Variants in PSPC1 observed in about 807,000 individuals in gnomAD.
PSPC1 encodes paraspeckle protein 1.
PSPC1 carries 14 observed loss-of-function variants against 51.6 expected under a neutral mutation model. The ratio of observed to expected loss-of-function variants is 0.27; its 90% CI spans 0.18 to 0.42. PSPC1 has a LOEUF of 0.42. Ranked by LOEUF, PSPC1 falls within the 10% of genes least tolerant of loss-of-function variation. PSPC1 has a pLI of 1.00. For synonymous variants in PSPC1, 193 were observed against 231.9 expected (o/e 0.83, Z 1.53); for missense variants, 406 against 701.1 (o/e 0.58, Z 4.75).
chr13:19,715,933 G>A lies in PSPC1; in HGVS notation c.1159-6334C>T, dbSNP rs2137817693. Among the ~76,000 whole-genome samples the A allele has an allele frequency of 2.0e-5, 3 of 152,150 alleles. No individual in the cohort carries two copies. In the South Asian group the frequency reaches 6.2e-4, roughly 32 times the overall value. ...GGAGGCTGAGGCAGGAGAATGGCAT[G>A]AACCCGGGAGGCGGAGCTTGCAGTG... On this transcript the variant is annotated intron_variant, in intron 6 of 8. Coordinates refer to ENST00000338910, the MANE Select transcript of PSPC1 (RefSeq NM_001354909.2).
At position 19,702,645 on chromosome 13, in the gene PSPC1, T is replaced by C. The variant is rs1416370777; in HGVS notation, c.*530A>G. On this transcript the variant is annotated 3_prime_UTR_variant, in exon 9 of 9. Transcript: ENST00000338910. ...GATTTCACAGAACATCAGTGGTTTA[T>C]ACAAATTAAACTCCCATACCCTCCC... 3 of 152,506 alleles carry C rather than the reference T, an allele frequency of 2.0e-5. No individual in the cohort carries two copies. The highest frequency in any genetic ancestry group is 4.8e-5 in the African/African-American group (2 of 41,436). The allele number at this position is 152,506 out of a possible 1,614,324, so 9.4% of individuals were successfully genotyped here. A position where few individuals can be genotyped will look rare whatever the true frequency, so the allele number is the denominator to read the frequency against.
rs562739470 is a variant in PSPC1, at chr13:19,763,504, G to A, written c.675-4086C>T. 1.4e-4 allele frequency among the ~76,000 whole-genome samples: 22 copies of A among 152,226 alleles called. 1 individual carries two copies. The South Asian group carries it at 4.1e-3, about 29-fold the overall frequency. On this transcript the variant is annotated intron_variant, in intron 2 of 8. Coordinates refer to ENST00000338910, the MANE Select transcript of PSPC1 (RefSeq NM_001354909.2). ...AAACTTGAAGGACTGAGAGAGAGAG[G>A]CTTCGGGACTGAGGCCCTGGGGTTT... is the stretch of plus-strand genomic sequence containing the variant.
chr13:19,740,977 C>T (rs547216530), intron 5 of PSPC1, among the ~76,000 whole-genome samples: 1 of 151,818 alleles, frequency 6.6e-6, no homozygotes, highest in Non-Finnish European at 1.5e-5. Context: ...TGGATTCAAG[C>T]GATTCTCCTG....
At chr13:19,679,886 A>T (rs1043563616) in intron 6 of PSPC1, among the ~76,000 whole-genome samples, 1 of 152,188 alleles carries the variant, frequency 6.6e-6, no homozygotes, top group Non-Finnish European at 1.5e-5. Context: ...ATTACTAAAA[A>T]CTTTAAGCAT....
chr13:19,703,119 T>G lies in PSPC1; in HGVS notation c.*56A>C, dbSNP rs193076433. On this transcript the variant is annotated 3_prime_UTR_variant, in exon 9 of 9. Coordinates refer to ENST00000338910, the MANE Select transcript of PSPC1 (RefSeq NM_001354909.2). Reference sequence around the variant, plus strand: ...ATTTCTTCCAGATAACAGGTAAAAGTATAAAGGCATACCACTGACTTTTTT... The same window carrying G: ...ATTTCTTCCAGATAACAGGTAAAAGGATAAAGGCATACCACTGACTTTTTT... 6.6e-7 allele frequency: 1 copy of G among 1,524,654 alleles called. No individual in the cohort carries two copies. The highest frequency in any genetic ancestry group is 2.3e-5 in the East Asian group (1 of 44,310). The allele number at this position is 1,524,654 out of a possible 1,614,324, so 94.4% of individuals were successfully genotyped here. A position where few individuals can be genotyped will look rare whatever the true frequency, so the allele number is the denominator to read the frequency against.
At chr13:19,671,941 T>C (rs1445140890), downstream of PSPC1, 2 of 1,519,622 alleles carry the variant, frequency 1.3e-6, no homozygotes, top group Non-Finnish European at 1.8e-6. Flanking sequence ...GACAGCAGTT[T>C]GGAATTCTTC....
At chr13:19,740,722 C>G (rs1335230005) in intron 5 of PSPC1, among the ~76,000 whole-genome samples, 1 of 152,122 alleles carries the variant, frequency 6.6e-6, no homozygotes, top group African/African-American at 2.4e-5. Context: ...ACAAGGTGAG[C>G]TATCAATGTG....
At chr13:19,780,333 G>T (rs9579681) in intron 1 of PSPC1, among the ~76,000 whole-genome samples, 2 of 118,786 alleles carry the variant, frequency 1.7e-5, no homozygotes, top group Admixed American at 8.5e-5. Flanking sequence ...CATTGAGAAC[G>T]GGCCAGGATG....
intron 1 of PSPC1, 121 bp from the exon 2 acceptor site, chr13:19,772,664 TTG>T: frequency 2.3e-6 from 2 of 885,358 alleles, no homozygotes; most frequent in Non-Finnish European, 3.4e-6. Context: ...CAATTTGATT[TTG>T]TATCTTTTAA....
chr13:19,726,741 T>A (rs1342801705), intron 6 of PSPC1, among the ~76,000 whole-genome samples: 1 of 152,126 alleles, frequency 6.6e-6, no homozygotes, highest in African/African-American at 2.4e-5. Flanking sequence ...AAAAAAAATG[T>A]TTTACATTGT....
downstream of PSPC1, chr13:19,671,314 G>C: frequency 1.3e-6 from 2 of 1,577,914 alleles, no homozygotes; most frequent in Non-Finnish European, 1.7e-6. Context: ...TTCACATTTA[G>C]TGTCACTACT....
At chr13:19,777,632 CATGTTGA>C (rs1365308765) in intron 1 of PSPC1, among the ~76,000 whole-genome samples, 1 of 151,980 alleles carries the variant, frequency 6.6e-6, no homozygotes, top group Non-Finnish European at 1.5e-5. Context: ...AAGCCACTTA[CATGTTGA>C]AGTGTTTGCC....
chr13:19,775,345 C>T (rs1223128838), intron 1 of PSPC1, among the ~76,000 whole-genome samples: 1 of 151,490 alleles, frequency 6.6e-6, no homozygotes, highest in Admixed American at 6.6e-5. Flanking sequence ...GAGCGAGACT[C>T]CGTCTCAAAA....
intron 1 of PSPC1, among the ~76,000 whole-genome samples, chr13:19,779,877 C>CT (rs1889712777): frequency 9.5e-6 from 1 of 104,808 alleles, no homozygotes; most frequent in Non-Finnish European, 2.1e-5. Flanking sequence ...GTCGGCCCCC[C>CT]GCCCGGCCAG....
intron 1 of PSPC1, among the ~76,000 whole-genome samples, chr13:19,774,411 T>A (rs980178656): frequency 1.3e-5 from 2 of 152,230 alleles, no homozygotes; most frequent in Non-Finnish European, 2.9e-5. Flanking sequence ...TGCAAAAATC[T>A]ACCTATAGAA....
chr13:19,713,179 GAT>G (rs1277619030), intron 6 of PSPC1, among the ~76,000 whole-genome samples: 1 of 152,082 alleles, frequency 6.6e-6, no homozygotes, highest in Non-Finnish European at 1.5e-5. Context: ...GCGTATACGT[GAT>G]ATTTTTACAA....
chr13:19,700,599 T>G (rs1210010864), downstream of PSPC1, among the ~76,000 whole-genome samples: 3 of 150,714 alleles, frequency 2.0e-5, no homozygotes, highest in Admixed American at 1.3e-4. Context: ...TCCAACAACA[T>G]AGAGTACTAG....
intron 5 of PSPC1, among the ~76,000 whole-genome samples, chr13:19,734,846 C>T (rs571421247): frequency 2.6e-5 from 4 of 151,732 alleles, no homozygotes; most frequent in Admixed American, 6.6e-5. Context: ...GGCGTGGTGG[C>T]GTGCACTTTT....
chr13:19,683,572 A>C (rs570819179), intron 6 of PSPC1, among the ~76,000 whole-genome samples: 2 of 152,344 alleles, frequency 1.3e-5, no homozygotes, highest in South Asian at 4.1e-4. Context: ...ACTGAACAAA[A>C]TCCAAAACGT....
Sources: gnomAD v4.1 joint callset for allele counts (sites outside exome capture counted in the v4.1 genomes callset) on GRCh38, gnomAD v4.1.1 for gene constraint, MANE v1.5 for transcripts, NCBI Gene and HGNC (gene_info 2026-07-23, HGNC 2026-07-21) for gene names.